Variants in GALNT13 observed in about 807,000 individuals in gnomAD.
GALNT13 encodes the protein UDP-GalNAc:polypeptide N-acetylgalactosaminyltransferase 13.
GALNT13 carries 28 observed loss-of-function variants against 64.2 expected under a neutral mutation model. The ratio of observed to expected loss-of-function variants is 0.44; its 90% CI spans 0.32 to 0.60. The LOEUF is 0.60. GALNT13 is among the 20% of genes least tolerant of loss of function. The pLI, the probability that GALNT13 is intolerant of heterozygous loss-of-function variation, is 0.05. For missense variants in GALNT13, 577 were observed against 669.8 expected, an observed-to-expected ratio of 0.86 and a Z score of 1.53; for synonymous variants, 214 against 224.6, an observed-to-expected ratio of 0.95 and a Z score of 0.42.
the GALNT13 span, among the ~76,000 whole-genome samples, chr2:153,218,619 C>T: frequency 3.3e-5 from 5 of 152,142 alleles, no homozygotes; most frequent in Admixed American, 6.5e-5. Context: ...TTTGAACTCA[C>T]CTAGGTGTTT....
chr2:153,714,193 TG>T, the GALNT13 span, among the ~76,000 whole-genome samples: 1 of 152,216 alleles, frequency 6.6e-6, no homozygotes, highest in African/African-American at 2.4e-5. Flanking sequence ...CATTTAGAAT[TG>T]ATAGTCCGAC....
the GALNT13 span, among the ~76,000 whole-genome samples, chr2:153,677,673 A>G: frequency 6.6e-6 from 1 of 152,278 alleles, no homozygotes; most frequent in East Asian, 1.9e-4. Context: ...ACAAGGCTAC[A>G]GTAAACCAAA....
intron 9 of GALNT13, among the ~76,000 whole-genome samples, chr2:154,353,930 A>G (rs969354273): frequency 6.6e-6 from 1 of 152,222 alleles, no homozygotes; most frequent in African/African-American, 2.4e-5. Context: ...TATATCAAGA[A>G]GATGGATTGC....
the GALNT13 span, among the ~76,000 whole-genome samples, chr2:153,460,092 C>T: frequency 6.6e-6 from 1 of 151,944 alleles, no homozygotes; most frequent in Non-Finnish European, 1.5e-5. Flanking sequence ...TATATTTGGA[C>T]TAATGTTGCT....
the GALNT13 span, among the ~76,000 whole-genome samples, chr2:153,258,785 A>G: frequency 6.6e-6 from 1 of 152,066 alleles, no homozygotes; most frequent in Admixed American, 6.6e-5. Context: ...TCGTCTTGTT[A>G]TCAATTACCG....
At chr2:153,174,761 A>G in the GALNT13 span, among the ~76,000 whole-genome samples, 6 of 152,278 alleles carry the variant, frequency 3.9e-5, no homozygotes, top group East Asian at 1.2e-3. Context: ...GTCTCCAGTA[A>G]CATGTTTTTC....
At chr2:153,188,868 G>A in the GALNT13 span, among the ~76,000 whole-genome samples, 317 of 152,132 alleles carry the variant, frequency 2.1e-3, 5 homozygotes, top group East Asian at 0.052. Flanking sequence ...TATTTGTGGA[G>A]AACATGTGAT....
At chr2:153,211,702 C>A in the GALNT13 span, among the ~76,000 whole-genome samples, 1 of 152,024 alleles carries the variant, frequency 6.6e-6, no homozygotes, top group Non-Finnish European at 1.5e-5. Flanking sequence ...CAAATTTATG[C>A]CTGGAAAGAG....
the GALNT13 span, among the ~76,000 whole-genome samples, chr2:153,417,175 G>A: frequency 6.6e-6 from 1 of 152,182 alleles, no homozygotes; most frequent in Non-Finnish European, 1.5e-5. Context: ...CCTACAGGGA[G>A]AGAATGCCAA....
At chr2:153,717,146 A>G in the GALNT13 span, among the ~76,000 whole-genome samples, 18 of 152,152 alleles carry the variant, frequency 1.2e-4, no homozygotes, top group African/African-American at 4.3e-4. Flanking sequence ...TTCCCCCGAC[A>G]TAAGAGCATT....
At chr2:153,242,906 C>G in the GALNT13 span, among the ~76,000 whole-genome samples, 9 of 152,188 alleles carry the variant, frequency 5.9e-5, no homozygotes, top group Non-Finnish European at 1.3e-4. Flanking sequence ...CCCTCAAAAT[C>G]TAAGGCTCTG....
the GALNT13 span, among the ~76,000 whole-genome samples, chr2:153,597,022 G>T: frequency 6.6e-6 from 1 of 151,992 alleles, no homozygotes; most frequent in East Asian, 1.9e-4. Context: ...ATATTGCTAT[G>T]CACAGGACAA....
At chr2:153,322,067 G>A in the GALNT13 span, among the ~76,000 whole-genome samples, 1 of 151,796 alleles carries the variant, frequency 6.6e-6, no homozygotes, top group Non-Finnish European at 1.5e-5. Context: ...GGATACATGT[G>A]AAGGTTTGTT....
intron 9 of GALNT13, among the ~76,000 whole-genome samples, chr2:154,334,089 T>C (rs1171042440): frequency 1.3e-5 from 2 of 151,898 alleles, no homozygotes; most frequent in African/African-American, 4.8e-5. Flanking sequence ...TTTTCTCTTC[T>C]CTTTTATATG....
At chr2:154,101,156 G>T (rs1231763850) in intron 3 of GALNT13, among the ~76,000 whole-genome samples, 6 of 151,300 alleles carry the variant, frequency 4.0e-5, no homozygotes, top group Non-Finnish European at 5.9e-5. Context: ...GGATATTTTT[G>T]TTGTTGTTGT....
intron 3 of GALNT13, among the ~76,000 whole-genome samples, chr2:154,066,379 G>T (rs1469166321): frequency 1.3e-5 from 2 of 152,064 alleles, no homozygotes; most frequent in Admixed American, 6.6e-5. Context: ...GTACAAAAAG[G>T]TTATAGAACA....
At chr2:154,105,278 T>C (rs1215878718) in intron 3 of GALNT13, among the ~76,000 whole-genome samples, 2 of 152,188 alleles carry the variant, frequency 1.3e-5, no homozygotes. Context: ...TGATTTTGAA[T>C]AAAAACTACT....
intron 3 of GALNT13, among the ~76,000 whole-genome samples, chr2:153,979,586 C>T (rs2105153307): frequency 6.6e-6 from 1 of 152,284 alleles, no homozygotes; most frequent in African/African-American, 2.4e-5. Flanking sequence ...CATAAAAGGA[C>T]ATTGAAGAGT....
chr2:153,094,544 G>T, the GALNT13 span, among the ~76,000 whole-genome samples: 1 of 152,190 alleles, frequency 6.6e-6, no homozygotes, highest in East Asian at 1.9e-4. Context: ...CTACTTTAAA[G>T]TTCATATGGA....
Sources: gnomAD v4.1 joint callset for allele counts (sites outside exome capture counted in the v4.1 genomes callset) on GRCh38, gnomAD v4.1.1 for gene constraint, MANE v1.5 for transcripts, NCBI Gene and HGNC (gene_info 2026-07-23, HGNC 2026-07-21) for gene names.